Variants in TRRAP observed in about 807,000 individuals in gnomAD.
The protein encoded by TRRAP is transformation/transcription domain-associated protein.
A neutral mutation model predicts 438.8 loss-of-function variants in TRRAP; 41 were observed. The observed-to-expected ratio is 0.09, with a 90% confidence interval of 0.07 to 0.12. TRRAP has a LOEUF of 0.12. Among genes scored for constraint, TRRAP ranks in the 10% least tolerant of loss-of-function variants. The pLI is 1.00. For missense variants in TRRAP, 3,122 were observed against 5,055.1 expected (o/e 0.62, Z 11.60); for synonymous variants, 1,994 against 1,962.9 (o/e 1.02, Z -0.42).
chr7:98,955,055 GCCTT>G, intron 40 of TRRAP, 39 bp from the exon 41 acceptor site: 2 of 1,572,530 alleles, frequency 1.3e-6, no homozygotes. Flanking sequence ...ATTTCTTAAA[GCCTT>G]CCTTCTCATC....
chr7:98,896,427 C>T (rs182627113), intron 7 of TRRAP, among the ~76,000 whole-genome samples: 203 of 151,672 alleles, frequency 1.3e-3, no homozygotes, highest in African/African-American at 3.8e-3. Flanking sequence ...GCTGGGGGTG[C>T]GGGGGTACGG....
At chr7:98,977,665 C>T (rs1306603701) in intron 56 of TRRAP, among the ~76,000 whole-genome samples, 2 of 152,162 alleles carry the variant, frequency 1.3e-5, no homozygotes, top group African/African-American at 4.8e-5. Context: ...TTTTTGCTTA[C>T]GTTTTACTCC....
chr7:99,010,088 A>C (rs1303511006), intron 70 of TRRAP, among the ~76,000 whole-genome samples: 1 of 151,870 alleles, frequency 6.6e-6, no homozygotes, highest in Non-Finnish European at 1.5e-5. Flanking sequence ...GGGTTTCACC[A>C]TGTTGGCCAG....
chr7:98,944,088 G>A (rs1298066407), intron 31 of TRRAP, among the ~76,000 whole-genome samples: 2 of 152,134 alleles, frequency 1.3e-5, no homozygotes, highest in Non-Finnish European at 1.5e-5. Flanking sequence ...TTATATATGT[G>A]GAAGAGAATC....
intron 4 of TRRAP, among the ~76,000 whole-genome samples, chr7:98,890,865 A>C (rs1795938031): frequency 7.4e-6 from 1 of 134,418 alleles, no homozygotes; most frequent in South Asian, 2.3e-4. Context: ...ATCGTAGCTC[A>C]CTGCAGCCTT....
chr7:98,897,685 T>TTC (rs1796279732), intron 7 of TRRAP, 56 bp from the exon 8 acceptor site: 1 of 1,559,056 alleles, frequency 6.4e-7, no homozygotes, highest in Non-Finnish European at 8.6e-7. Context: ...TGTTTTGTTT[T>TTC]TGAATGAATA....
At chr7:98,999,227 G>A in intron 67 of TRRAP, 1 of 1,254,486 alleles carries the variant, frequency 8.0e-7, no homozygotes, top group South Asian at 1.2e-5. Flanking sequence ...TTCACTCCAA[G>A]AAGTACATGC....
At chr7:99,010,271 C>A (rs1241250622) in intron 70 of TRRAP, among the ~76,000 whole-genome samples, 1 of 152,156 alleles carries the variant, frequency 6.6e-6, no homozygotes, top group Non-Finnish European at 1.5e-5. Flanking sequence ...AGAGTTCTGA[C>A]AAAGTTGATT....
chr7:98,976,017 C>A lies in TRRAP; in HGVS notation c.7840-132C>A. The A allele has an allele frequency of 8.3e-7, 1 of 1,205,598 alleles. No homozygotes were observed. Among genetic ancestry groups the A allele is most frequent in the Middle Eastern group, 2.9e-4 (1 of 3,432 alleles). The allele number at this position is 1,205,598 out of a possible 1,614,324, so 74.7% of individuals were successfully genotyped here. A position where few individuals can be genotyped will look rare whatever the true frequency, so the allele number is the denominator to read the frequency against. ...CTTTTACTCTAACATGGCATTTTCT[C>A]AGATCTTTGAAACTTTGAAAGTGGA... On this transcript the variant is annotated intron_variant, in intron 53 of 72. Coordinates refer to ENST00000456197, the MANE Select transcript of TRRAP (RefSeq NM_001375524.1). This position sits in a 1 kb window ranked among gnomAD's most constrained non-coding sequence, Gnocchi z 4.6.
chr7:98,988,862 T>G lies in TRRAP; in HGVS notation c.9487T>G (p.Phe3163Val). ...GTGGGGCGACTACCTGGAGAACATCTTTGTGAAGGAGCGGCAGCTGCACCT... is the reference window on the plus strand; with the variant it reads ...GTGGGGCGACTACCTGGAGAACATCGTTGTGAAGGAGCGGCAGCTGCACCT... The part of the protein sequence containing the change: ...AMWGDYLENI[F>V]VKERQLHLGV... The change falls in exon 63 of 73, where the codon TTT becomes GTT. Residue 3163 changes from phenylalanine (F) to valine (V), a missense_variant. Phe to Val is a conservative substitution (Grantham distance 50). This residue lies in a region of TRRAP where 23 missense variants were observed against 18.2 expected (regional missense o/e 1.27). Transcript: ENST00000456197. 6.2e-7 allele frequency: 1 copy of G among 1,614,180 alleles called. No homozygotes were observed.
intron 3 of TRRAP, among the ~76,000 whole-genome samples, chr7:98,889,045 C>CTTTT (rs11326725): frequency 9.8e-4 from 81 of 82,260 alleles, no homozygotes; most frequent in South Asian, 1.8e-3. Context: ...CAAAACTTTA[C>CTTTT]TTTTTTTTTT....
chr7:98,925,302 C>T (rs1277811125), intron 22 of TRRAP, 39 bp downstream of exon 22: 1 of 1,602,998 alleles, frequency 6.2e-7, no homozygotes, highest in Non-Finnish European at 8.5e-7. Flanking sequence ...TGGGTGGATC[C>T]TGTTTTAGGA....
chr7:99,002,241 A>G (rs1490727585), intron 67 of TRRAP, among the ~76,000 whole-genome samples: 1 of 152,194 alleles, frequency 6.6e-6, no homozygotes, highest in Non-Finnish European at 1.5e-5. Context: ...ACACAGTGAC[A>G]TGACCAGAGG....
intron 52 of TRRAP, among the ~76,000 whole-genome samples, chr7:98,971,270 G>A (rs1455133867): frequency 1.3e-5 from 2 of 152,070 alleles, no homozygotes; most frequent in Non-Finnish European, 2.9e-5. Flanking sequence ...TCATTTTCAA[G>A]GGCACACACC....
At chr7:98,905,723 C>T (rs144058528) in intron 12 of TRRAP, among the ~76,000 whole-genome samples, 59 of 152,320 alleles carry the variant, frequency 3.9e-4, no homozygotes, top group Non-Finnish European at 2.9e-5. Flanking sequence ...ATTGTAAAAA[C>T]GCCTGGACCT....
intron 13 of TRRAP, among the ~76,000 whole-genome samples, chr7:98,906,941 T>G (rs1796794635): frequency 6.6e-6 from 1 of 151,964 alleles, no homozygotes; most frequent in Non-Finnish European, 1.5e-5. Context: ...AAGAAAACCT[T>G]CTGGTCCTGC....
At chr7:99,010,969 A>C in intron 70 of TRRAP, 83 bp from the exon 71 acceptor site, 3 of 1,382,252 alleles carry the variant, frequency 2.2e-6, no homozygotes, top group Admixed American at 2.0e-5. Flanking sequence ...GCTAAGTTAA[A>C]GAGGAATTGC....
At chr7:98,879,055 C>T (rs1169481703) in intron 1 of TRRAP, among the ~76,000 whole-genome samples, 1 of 151,634 alleles carries the variant, frequency 6.6e-6, no homozygotes, top group Non-Finnish European at 1.5e-5. Context: ...GCACTGGACT[C>T]GTTAGGCCCG....
In TRRAP at chr7:98,953,159, C is replaced by T. The variant is rs369093871; in HGVS notation, c.5464-8C>T. 1 of 1,610,038 alleles carries T rather than the reference C, an allele frequency of 6.2e-7. No homozygotes were observed. The highest frequency in any genetic ancestry group is 8.5e-7 in the Non-Finnish European group (1 of 1,178,850). On this transcript the variant is annotated splice_region_variant and splice_polypyrimidine_tract_variant and intron_variant, in intron 39 of 72. Transcript: ENST00000456197. ...TGGAAATGAGTCCTTCCTGCTGTCCCTGCACAGGTCCTGGACCCCGAGAAG... is the reference window on the plus strand; with the variant it reads ...TGGAAATGAGTCCTTCCTGCTGTCCTTGCACAGGTCCTGGACCCCGAGAAG...
Sources: allele counts gnomAD v4.1 joint callset (sites outside exome capture counted in the v4.1 genomes callset), GRCh38; gene constraint gnomAD v4.1.1; regional missense constraint gnomAD v4.1.1; non-coding constraint Gnocchi (gnomAD v3.1); transcripts MANE v1.5; gene names NCBI Gene and HGNC (gene_info 2026-07-23, HGNC 2026-07-21).